ATP9B: variants seen among roughly 807,000 people sequenced by gnomAD.
ATP9B encodes ATPase phospholipid transporting 9B.
ATP9B carries 110 observed loss-of-function variants against 146.1 expected under a neutral mutation model. The ratio of observed to expected loss-of-function variants is 0.75; its 90% CI spans 0.65 to 0.88. ATP9B has a LOEUF of 0.88. Ranked by LOEUF, ATP9B falls within the 40% of genes least tolerant of loss-of-function variation. ATP9B has a pLI of 0.00. For synonymous variants in ATP9B, 604 were observed against 569.7 expected, an observed-to-expected ratio of 1.06 and a Z score of -0.86; for missense variants, 1,499 against 1,496.4, an observed-to-expected ratio of 1.00 and a Z score of -0.03.
chr18:79,287,994 A>G (rs1486995888), intron 13 of ATP9B, among the ~76,000 whole-genome samples: 1 of 151,584 alleles, frequency 6.6e-6, no homozygotes, highest in Non-Finnish European at 1.5e-5. Context: ...GTTTGTTATA[A>G]TTTCTGTTCT....
At chr18:79,118,384 G>GTTTTTTTTTTTTTTT (rs1304879263) in intron 4 of ATP9B, among the ~76,000 whole-genome samples, 5 of 73,490 alleles carry the variant, frequency 6.8e-5, no homozygotes, top group African/African-American at 2.1e-4. Context: ...CATATTGAAC[G>GTTTTTTTTTTTTTTT]TTTTTGTTTT....
At chr18:79,105,213 T>C (rs1356418059) in intron 2 of ATP9B, among the ~76,000 whole-genome samples, 2 of 152,226 alleles carry the variant, frequency 1.3e-5, no homozygotes, top group Middle Eastern at 3.2e-3. Context: ...TTGTTTCTTA[T>C]AAATTTTCAG....
rs1486862907 is a variant in ATP9B, at chr18:79,084,171, G to T, written c.120-12305G>T. Among the ~76,000 whole-genome samples the T allele has an allele frequency of 1.1e-3, 161 of 142,822 alleles. 2 individuals are homozygous for T. Among genetic ancestry groups the T allele is most frequent in the African/African-American group, 4.1e-3 (152 of 37,240 alleles). The allele number at this position is 142,822 out of a possible 152,430, so 93.7% of individuals were successfully genotyped here. On this transcript the variant is annotated intron_variant, in intron 1 of 29. Transcript: ENST00000426216. ...TGCGCCTGGCTCAGTTTTTTTTTTT[G>T]GAATATTCATAGATAAATGTAACTC... is the stretch of plus-strand genomic sequence containing the variant.
intron 8 of ATP9B, among the ~76,000 whole-genome samples, chr18:79,177,682 T>C (rs2095195028): frequency 8.3e-6 from 1 of 121,098 alleles, no homozygotes; most frequent in Non-Finnish European, 1.6e-5. Flanking sequence ...CAAATGAATA[T>C]CTGTTTTTAA....
chr18:79,345,217 A>G (rs185392660), intron 21 of ATP9B, among the ~76,000 whole-genome samples: 3 of 152,302 alleles, frequency 2.0e-5, no homozygotes, highest in Admixed American at 2.0e-4. Context: ...AGGCAGGAGA[A>G]GGATGGTTCC....
At chr18:79,372,486 T>G (rs2097077458) in intron 26 of ATP9B, 1 of 453,552 alleles carries the variant, frequency 2.2e-6, no homozygotes, top group Non-Finnish European at 4.3e-6. Flanking sequence ...AGGGAAAATG[T>G]TTTTATTGCC....
intron 12 of ATP9B, among the ~76,000 whole-genome samples, chr18:79,261,260 C>T (rs1444031914): frequency 6.6e-6 from 1 of 152,108 alleles, no homozygotes; most frequent in African/African-American, 2.4e-5. Context: ...CGTGATGGCC[C>T]CCAGAACATG....
intron 9 of ATP9B, among the ~76,000 whole-genome samples, chr18:79,202,388 T>C (rs1040880847): frequency 1.3e-5 from 2 of 152,266 alleles, no homozygotes; most frequent in African/African-American, 4.8e-5. Flanking sequence ...TTAGTCATTT[T>C]GAGAATGTAT....
intron 2 of ATP9B, among the ~76,000 whole-genome samples, chr18:79,103,604 A>G (rs772623603): frequency 1.9e-4 from 29 of 152,296 alleles, no homozygotes; most frequent in Middle Eastern, 6.8e-3. Context: ...TGTGACTTCT[A>G]TTCTCAATTG....
chr18:79,329,360 T>C, intron 16 of ATP9B, 58 bp downstream of exon 16: 2 of 1,451,616 alleles, frequency 1.4e-6, no homozygotes, highest in Admixed American at 2.5e-5. Context: ...TTCACACCTT[T>C]TAAACACAGA....
chr18:79,276,126 A>G (rs1346301182), intron 12 of ATP9B, among the ~76,000 whole-genome samples: 1 of 152,204 alleles, frequency 6.6e-6, no homozygotes, highest in Non-Finnish European at 1.5e-5. Flanking sequence ...ACACATGTGA[A>G]CATTTTTGAG....
intron 15 of ATP9B, among the ~76,000 whole-genome samples, chr18:79,317,069 A>G (rs1444032926): frequency 6.6e-6 from 1 of 152,238 alleles, no homozygotes; most frequent in Non-Finnish European, 1.5e-5. Flanking sequence ...AATTGACTCC[A>G]TATAAATCTG....
intron 11 of ATP9B, among the ~76,000 whole-genome samples, chr18:79,251,547 C>T (rs937722323): frequency 6.6e-6 from 1 of 152,080 alleles, no homozygotes; most frequent in Non-Finnish European, 1.5e-5. Context: ...ATGTAGTAGA[C>T]ATTTCAATTT....
chr18:79,337,098 C>T (rs1010577802), intron 18 of ATP9B, among the ~76,000 whole-genome samples, 181 bp from the exon 19 acceptor site: 8 of 151,392 alleles, frequency 5.3e-5, no homozygotes, highest in South Asian at 2.1e-4. Context: ...TGCACACAGG[C>T]GCCTCCCACT....
At chr18:79,346,272 T>C (rs4799046) in intron 23 of ATP9B, among the ~76,000 whole-genome samples, 135,449 of 151,006 alleles carry the variant, frequency 0.9, 60,800 homozygotes, top group East Asian at 1. Flanking sequence ...CATACGTGCT[T>C]AGTGCACATC....
intron 9 of ATP9B, among the ~76,000 whole-genome samples, chr18:79,196,201 A>C (rs552852500): frequency 1.3e-5 from 2 of 152,162 alleles, no homozygotes; most frequent in African/African-American, 4.8e-5. Context: ...TGCTCCTTCA[A>C]AACTGTCCTG....
chr18:79,189,912 T>C (rs1265887814), intron 8 of ATP9B, among the ~76,000 whole-genome samples: 1 of 152,216 alleles, frequency 6.6e-6, no homozygotes, highest in East Asian at 1.9e-4. Context: ...CCAAACACGA[T>C]GGAAAACATG....
intron 7 of ATP9B, among the ~76,000 whole-genome samples, chr18:79,170,200 A>C (rs2095049315): frequency 6.6e-6 from 1 of 152,174 alleles, no homozygotes; most frequent in Non-Finnish European, 1.5e-5. Context: ...GATGAGCACA[A>C]GCTCATGTCA....
At chr18:79,288,516 G>A (rs1327789491) in intron 13 of ATP9B, among the ~76,000 whole-genome samples, 3 of 151,936 alleles carry the variant, frequency 2.0e-5, no homozygotes, top group Admixed American at 6.6e-5. Flanking sequence ...GTCTCTGCAC[G>A]TGAGATGGGT....
Sources: gnomAD v4.1 joint callset for allele counts (sites outside exome capture counted in the v4.1 genomes callset) on GRCh38, gnomAD v4.1.1 for gene constraint, MANE v1.5 for transcripts, NCBI Gene and HGNC (gene_info 2026-07-23, HGNC 2026-07-21) for gene names.